The following GAB1 variants were observed in gnomAD, a reference collection of about 807,000 sequenced individuals.
GAB1 encodes GRB2-associated-binding protein 1.
Under a neutral mutation model 66.5 loss-of-function variants are expected in GAB1, and 19 were observed. The ratio of observed to expected loss-of-function variants is 0.29; its 90% CI spans 0.20 to 0.42. The LOEUF is 0.42. Among genes scored for constraint, GAB1 ranks in the 10% least tolerant of loss-of-function variants. The pLI is 1.00. For missense variants in GAB1, 732 were observed against 858.5 expected, an observed-to-expected ratio of 0.85 and a Z score of 1.84; for synonymous variants, 294 against 301.4, an observed-to-expected ratio of 0.98 and a Z score of 0.25.
chr4:143,403,321 A>G (rs1021331840), intron 1 of GAB1, among the ~76,000 whole-genome samples: 5 of 152,138 alleles, frequency 3.3e-5, no homozygotes, highest in African/African-American at 1.2e-4. Context: ...ATACAATACA[A>G]ATCCTTACAG....
chr4:143,416,171 C>T (rs550837894), intron 2 of GAB1, among the ~76,000 whole-genome samples: 24 of 151,216 alleles, frequency 1.6e-4, no homozygotes, highest in African/African-American at 5.6e-4. Flanking sequence ...TCTGGGAGGC[C>T]GAGGCGGGTG....
chr4:143,413,021 T>C (rs1049726363), intron 1 of GAB1, among the ~76,000 whole-genome samples: 46 of 152,284 alleles, frequency 3.0e-4, no homozygotes, highest in African/African-American at 1.1e-3. Context: ...GTCTGAATCA[T>C]TGGGGAATGG....
chr4:143,434,384 A>G (rs1181408343), intron 3 of GAB1, among the ~76,000 whole-genome samples: 2 of 95,872 alleles, frequency 2.1e-5, no homozygotes, highest in East Asian at 2.4e-4. Context: ...TTTTTTTTTT[A>G]GGAGACAAGG....
At chr4:143,390,280 G>T (rs1304200734) in intron 1 of GAB1, among the ~76,000 whole-genome samples, 1 of 152,078 alleles carries the variant, frequency 6.6e-6, no homozygotes, top group African/African-American at 2.4e-5. Context: ...AAGGGTGTTT[G>T]TGGGCAAACC....
At chr4:143,419,017 T>C (rs1732863118) in intron 2 of GAB1, among the ~76,000 whole-genome samples, 1 of 152,126 alleles carries the variant, frequency 6.6e-6, no homozygotes, top group African/African-American at 2.4e-5. Context: ...TTGAGTTTGC[T>C]GACACTCTAC....
At chr4:143,388,192 G>A (rs1731007652) in intron 1 of GAB1, among the ~76,000 whole-genome samples, 1 of 151,704 alleles carries the variant, frequency 6.6e-6, no homozygotes, top group Non-Finnish European at 1.5e-5. Flanking sequence ...TTTCTGTGTG[G>A]GATTATAGTT....
At chr4:143,358,805 A>T (rs966730293) in intron 1 of GAB1, among the ~76,000 whole-genome samples, 3 of 152,210 alleles carry the variant, frequency 2.0e-5, no homozygotes, top group African/African-American at 4.8e-5. Flanking sequence ...TCCTTTAATT[A>T]ATTTTGGTGA....
At chr4:143,457,282 T>C (rs1044817925) in intron 6 of GAB1, among the ~76,000 whole-genome samples, 4 of 152,192 alleles carry the variant, frequency 2.6e-5, no homozygotes, top group African/African-American at 9.6e-5. Flanking sequence ...AAGATGTAAT[T>C]GAGATCTGAC....
intron 1 of GAB1, among the ~76,000 whole-genome samples, chr4:143,380,118 GT>G (rs1012975068): frequency 6.6e-6 from 1 of 150,976 alleles, no homozygotes; most frequent in African/African-American, 2.4e-5. Context: ...GTGGGCCTCA[GT>G]TTTTTTATTC....
chr4:143,431,001 A>G (rs1370498848), intron 2 of GAB1, among the ~76,000 whole-genome samples: 1 of 152,194 alleles, frequency 6.6e-6, no homozygotes, highest in Non-Finnish European at 1.5e-5. Context: ...ACGTGAACTA[A>G]AAGGTACCAC....
chr4:143,415,693 G>A lies in GAB1; in HGVS notation c.289G>A (p.Val97Ile). The part of the protein sequence containing the change: ...INTIDRIFYL[V>I]ADSEEEMNKW... ...CACTATTGACCGGATTTTCTACTTG[G>A]TAGCAGACAGCGAGGAGGAGATGAA... Residue 97 changes from valine (V) to isoleucine (I), a missense_variant, in exon 2 of 10, where the codon GTA (valine) becomes ATA (isoleucine). Physicochemically the swap from Val to Ile is conservative, Grantham distance 29. Around this residue, in one of 4 missense-constraint regions of GAB1, gnomAD observed 66 missense variants for 130.3 expected, o/e 0.51. Coordinates refer to ENST00000262994, the MANE Select transcript of GAB1 (RefSeq NM_002039.4). 1 of 1,614,034 alleles carries A rather than the reference G, an allele frequency of 6.2e-7. No homozygotes were observed. The highest frequency in any genetic ancestry group is 8.5e-7 in the Non-Finnish European group (1 of 1,179,930).
chr4:143,359,367 C>G (rs1312732849), intron 1 of GAB1, among the ~76,000 whole-genome samples: 1 of 152,118 alleles, frequency 6.6e-6, no homozygotes, highest in Non-Finnish European at 1.5e-5. Context: ...AACAAATCAA[C>G]AAAAAACCCA....
At chr4:143,428,932 C>G (rs768352068) in intron 2 of GAB1, among the ~76,000 whole-genome samples, 20 of 151,500 alleles carry the variant, frequency 1.3e-4, no homozygotes, top group Non-Finnish European at 2.8e-4. Context: ...ACCAACATGG[C>G]ACATGTATAC....
chr4:143,439,052 A>C (rs1446516714), intron 4 of GAB1, among the ~76,000 whole-genome samples: 1 of 152,058 alleles, frequency 6.6e-6, no homozygotes, highest in East Asian at 1.9e-4. Flanking sequence ...CTAACAGGTG[A>C]TATTCTGTTC....
chr4:143,362,656 C>T (rs760322234), intron 1 of GAB1, among the ~76,000 whole-genome samples: 11 of 152,196 alleles, frequency 7.2e-5, no homozygotes, highest in Non-Finnish European at 1.0e-4. Context: ...CATGCTAATG[C>T]ATTATAATTG....
chr4:143,402,029 A>G (rs1262338640), intron 1 of GAB1, among the ~76,000 whole-genome samples: 1 of 151,668 alleles, frequency 6.6e-6, no homozygotes, highest in African/African-American at 2.4e-5. Flanking sequence ...TTTATGATAT[A>G]CAAGTATAAG....
chr4:143,449,000 C>T (rs932840127), intron 6 of GAB1, among the ~76,000 whole-genome samples: 13 of 152,110 alleles, frequency 8.5e-5, no homozygotes, highest in African/African-American at 2.7e-4. Context: ...TCTTTGTTCT[C>T]ATTGGTTTCA....
chr4:143,385,008 G>A (rs1015130630), intron 1 of GAB1, among the ~76,000 whole-genome samples: 17 of 152,284 alleles, frequency 1.1e-4, no homozygotes, highest in South Asian at 2.1e-4. Context: ...CCATTGACTC[G>A]TAATAACACA....
chr4:143,425,178 G>A, intron 2 of GAB1: 1 of 826,722 alleles, frequency 1.2e-6, no homozygotes, highest in South Asian at 1.3e-5. Flanking sequence ...AAGGAAAAGT[G>A]ATGGCATCTA....
Sources: gnomAD v4.1 joint callset for allele counts (sites outside exome capture counted in the v4.1 genomes callset) on GRCh38, gnomAD v4.1.1 for gene constraint, gnomAD v4.1.1 regional missense constraint, MANE v1.5 for transcripts, NCBI Gene and HGNC (gene_info 2026-07-23, HGNC 2026-07-21) for gene names.